Variants in TCF20 observed in about 807,000 individuals in gnomAD.
TCF20 encodes the protein SPRE-binding protein.
TCF20 carries 3 observed loss-of-function variants against 148.6 expected under a neutral mutation model. The ratio of observed to expected loss-of-function variants is 0.02; its 90% CI spans 0.01 to 0.05. TCF20 has a LOEUF of 0.05. Ranked by LOEUF, TCF20 falls within the 10% of genes least tolerant of loss-of-function variation. TCF20 has a pLI of 1.00. For missense variants in TCF20, 2,350 were observed against 2,429.3 expected (o/e 0.97, Z 0.69); for synonymous variants, 1,049 against 909.5 (o/e 1.15, Z -2.76).
At chr22:42,335,806 C>G (rs1928056773) in intron 1 of TCF20, among the ~76,000 whole-genome samples, 1 of 152,112 alleles carries the variant, frequency 6.6e-6, no homozygotes, top group African/African-American at 2.4e-5. Context: ...CTTCAGGGTG[C>G]CAGCTCTGGG....
intron 1 of TCF20, among the ~76,000 whole-genome samples, chr22:42,238,364 G>A (rs1278700623): frequency 6.6e-6 from 1 of 152,196 alleles, no homozygotes; most frequent in Non-Finnish European, 1.5e-5. Flanking sequence ...GTTGCGGCTG[G>A]TTGATTTTCC....
chr22:42,265,537 A>C (rs977073427), intron 1 of TCF20, among the ~76,000 whole-genome samples: 7 of 152,104 alleles, frequency 4.6e-5, no homozygotes, highest in Non-Finnish European at 7.4e-5. Flanking sequence ...CAAAGGTATC[A>C]CTGTCATGTA....
At chr22:42,241,389 T>A (rs1396087177) in intron 1 of TCF20, among the ~76,000 whole-genome samples, 1 of 152,182 alleles carries the variant, frequency 6.6e-6, no homozygotes, top group South Asian at 2.1e-4. Context: ...ATATTTAGTA[T>A]GTTCTAGGAA....
In TCF20 at chr22:42,177,829, G is replaced by GTT. The variant is rs557065116; in HGVS notation, c.5749+1778_5749+1779dup. Reference sequence around the variant, plus strand: ...GGAGCATCTTTTCTTCTAATATTTGGTTTTTGATCCTGGTTCCTGACATGG... The same window carrying GTT: ...GGAGCATCTTTTCTTCTAATATTTGGTTTTTTTGATCCTGGTTCCTGACATGG... On this transcript the variant is annotated intron_variant, in intron 3 of 5. Coordinates refer to ENST00000677622, the MANE Select transcript of TCF20 (RefSeq NM_001378418.1). Among the ~76,000 whole-genome samples the GTT allele has an allele frequency of 1.1e-4, 16 of 152,078 alleles. No individual in the cohort carries two copies. The South Asian group carries it at 3.1e-3, about 30-fold the overall frequency.
At chr22:42,162,618 A>G (rs997263454) in intron 5 of TCF20, among the ~76,000 whole-genome samples, 1 of 152,238 alleles carries the variant, frequency 6.6e-6, no homozygotes, top group Non-Finnish European at 1.5e-5. Context: ...AAGTGGTGGC[A>G]GCCTTGCCCC....
At position 42,210,889 on chromosome 22, in the gene TCF20, C is replaced by T; in HGVS notation, c.4417G>A (p.Gly1473Ser). 1.2e-6 allele frequency: 2 copies of T among 1,614,162 alleles called. No individual in the cohort carries two copies. The highest frequency in any genetic ancestry group is 2.2e-5 in the South Asian group (2 of 91,088). Residue 1473 changes from glycine to serine, a missense_variant, in exon 2 of 6, where the codon GGT becomes AGT. Physicochemically the swap from Gly to Ser is moderately conservative, Grantham distance 56. Coordinates refer to ENST00000677622, the MANE Select transcript of TCF20 (RefSeq NM_001378418.1). The surrounding 1 kb of genome is among the most constrained non-coding windows in gnomAD (Gnocchi z 4.7). Reference sequence around the variant, plus strand: ...CCATCTGGTCTCCCTTGGTTACTACCAGGCTTCTGTGAGGTTGTGGATGTC... The same window carrying T: ...CCATCTGGTCTCCCTTGGTTACTACTAGGCTTCTGTGAGGTTGTGGATGTC... Reference protein sequence around the residue: ...AMTSTTSQKPGSNQGRPDGSL... With the variant: ...AMTSTTSQKPSSNQGRPDGSL...
chr22:42,291,103 G>A (rs185970781), intron 1 of TCF20, among the ~76,000 whole-genome samples: 148 of 152,218 alleles, frequency 9.7e-4, no homozygotes, highest in Non-Finnish European at 1.8e-3. Flanking sequence ...CATCCTTCCC[G>A]TCTCTGGGAC....
At chr22:42,232,660 T>G (rs1411759023) in intron 1 of TCF20, among the ~76,000 whole-genome samples, 1 of 151,836 alleles carries the variant, frequency 6.6e-6, no homozygotes, top group Non-Finnish European at 1.5e-5. Flanking sequence ...ACCCCATCTC[T>G]ACTAAAAAAA....
Position 42,210,420 on chromosome 22 carries a change from T to C in TCF20, c.4886A>G (p.Lys1629Arg), listed in dbSNP as rs200830778. The C allele has an allele frequency of 3.1e-6, 5 of 1,614,276 alleles. No homozygotes were observed. The highest frequency in any genetic ancestry group is 4.2e-6 in the Non-Finnish European group (5 of 1,180,058). Residue 1629 changes from lysine (K) to arginine (R), a missense_variant, in exon 2 of 6, where the codon AAG (lysine) becomes AGG (arginine). By Grantham distance (26) the Lys-to-Arg change is conservative (BLOSUM62 2). Transcript: ENST00000677622. The surrounding 1 kb of genome is among the most constrained non-coding windows in gnomAD (Gnocchi z 4.7). ...TACATGGATGTAAGGGTAAAAAGAC[T>C]TGTTCTTGGCATCAGTTTTATCCAG... ...QPLDKTDAKN[K>R]SFYPYIHVVN...
intron 3 of TCF20, among the ~76,000 whole-genome samples, chr22:42,171,568 T>G (rs189071294): frequency 1.3e-5 from 2 of 152,262 alleles, no homozygotes; most frequent in African/African-American, 4.8e-5. Flanking sequence ...CTCAGCAACT[T>G]ACTACTAACC....
intron 1 of TCF20, among the ~76,000 whole-genome samples, chr22:42,221,712 T>C (rs562325260): frequency 6.7e-6 from 1 of 148,976 alleles, no homozygotes; most frequent in African/African-American, 2.5e-5. Context: ...GTGGGGTCTA[T>C]AGGGCTTATT....
chr22:42,228,493 G>A (rs563150273), intron 1 of TCF20, among the ~76,000 whole-genome samples: 2 of 152,344 alleles, frequency 1.3e-5, no homozygotes, highest in Non-Finnish European at 2.9e-5. Flanking sequence ...ATGGTAGAGA[G>A]AGGTTGTGTA....
At chr22:42,269,075 C>T (rs1451357384) in intron 1 of TCF20, among the ~76,000 whole-genome samples, 1 of 152,160 alleles carries the variant, frequency 6.6e-6, no homozygotes, top group African/African-American at 2.4e-5. Context: ...GTTTATTTGG[C>T]GTCAAAGCTG....
intron 1 of TCF20, among the ~76,000 whole-genome samples, chr22:42,296,979 A>G (rs1927248709): frequency 6.6e-6 from 1 of 152,196 alleles, no homozygotes; most frequent in African/African-American, 2.4e-5. Flanking sequence ...ACATCTCTCC[A>G]AAGGAAGGTG....
At chr22:42,201,433 T>G (rs1938007618) in intron 2 of TCF20, among the ~76,000 whole-genome samples, 1 of 152,182 alleles carries the variant, frequency 6.6e-6, no homozygotes, top group South Asian at 2.1e-4. Flanking sequence ...CTTAATTATT[T>G]TGGGCCTTTT....
At chr22:42,324,184 A>ATGGTGGTGG (rs1182397201) in intron 1 of TCF20, among the ~76,000 whole-genome samples, 5 of 98,740 alleles carry the variant, frequency 5.1e-5, no homozygotes, top group African/African-American at 2.2e-4. Context: ...GATGGAGGTT[A>ATGGTGGTGG]TGGTGGTGGT....
Position 42,187,322 on chromosome 22 carries a change from T to C in TCF20, c.5656-7620A>G, listed in dbSNP as rs141691610. The stretch of plus-strand genomic sequence containing the variant: ...AATCTGATCATCTTTCAAGCATAAT[T>C]TGAAATAAAATTATATATTTAGATC... On this transcript the variant is annotated intron_variant, in intron 2 of 5. Coordinates refer to ENST00000677622, the MANE Select transcript of TCF20 (RefSeq NM_001378418.1). Among the ~76,000 whole-genome samples the C allele has an allele frequency of 1.0e-3, 154 of 152,328 alleles. 1 individual carries two copies. The East Asian group carries it at 0.024, about 24-fold the overall frequency.
At chr22:42,309,345 C>T (rs901834271) in intron 1 of TCF20, among the ~76,000 whole-genome samples, 6 of 151,978 alleles carry the variant, frequency 3.9e-5, no homozygotes, top group East Asian at 1.9e-4. Context: ...ACAAGCAGGA[C>T]GGGGGACTAC....
intron 1 of TCF20, among the ~76,000 whole-genome samples, chr22:42,255,716 GGCCAAGAT>G (rs1339787958): frequency 2.0e-5 from 3 of 152,036 alleles, no homozygotes. Flanking sequence ...AACAGTAAGA[GGCCAAGAT>G]GATCAATTCA....
Sources: gnomAD v4.1 joint callset for allele counts (sites outside exome capture counted in the v4.1 genomes callset) on GRCh38, gnomAD v4.1.1 for gene constraint, Gnocchi (gnomAD v3.1) non-coding constraint, MANE v1.5 for transcripts, NCBI Gene and HGNC (gene_info 2026-07-23, HGNC 2026-07-21) for gene names.